FREM1: variants seen among roughly 807,000 people sequenced by gnomAD.
The protein encoded by FREM1 is FRAS1-related extracellular matrix protein 1.
A neutral mutation model predicts 210.1 loss-of-function variants in FREM1; 220 were observed. The observed-to-expected ratio is 1.05, with a 90% CI of 0.94 to 1.17. The LOEUF is 1.17. Ranked by LOEUF, FREM1 falls within the 50% of genes most tolerant of loss-of-function variation. FREM1 has a pLI of 0.00. For missense variants in FREM1, 3,454 were observed against 2,675.5 expected, an observed-to-expected ratio of 1.29 and a Z score of -6.42; for synonymous variants, 1,189 against 980.2, an observed-to-expected ratio of 1.21 and a Z score of -3.98.
chr9:14,790,304 C>T (rs961868927), intron 22 of FREM1, among the ~76,000 whole-genome samples: 8 of 152,250 alleles, frequency 5.3e-5, no homozygotes, highest in South Asian at 2.1e-4. Context: ...TACTTGATAA[C>T]GTTTCTTTCT....
intron 1 of FREM1, among the ~76,000 whole-genome samples, chr9:14,904,267 C>T (rs901967343): frequency 2.6e-5 from 4 of 152,034 alleles, no homozygotes; most frequent in African/African-American, 4.8e-5. Context: ...CCTTATAGCT[C>T]GTTTTTGGTT....
In FREM1 at chr9:14,836,208, G is replaced by C. The variant is rs1415132488; in HGVS notation, c.1881+5239C>G. Among the ~76,000 whole-genome samples, 1 of 152,188 alleles carries C rather than the reference G, an allele frequency of 6.6e-6. No individual in the cohort carries two copies. The highest frequency in any genetic ancestry group is 1.5e-5 in the Non-Finnish European group (1 of 68,032). ...CCACACCACACTTGTGGGAATTGCT[G>C]TCCTCACTCTACTATTTGCAATAGG... On this transcript the variant is annotated intron_variant, in intron 10 of 36. Transcript: ENST00000380880. This position sits in a 1 kb window ranked among gnomAD's most constrained non-coding sequence, Gnocchi z 4.9.
At position 14,900,408 on chromosome 9, in the gene FREM1, G is replaced by A. The variant is rs773143831; in HGVS notation, c.-268+9506C>T. ...ATGACAAGAGGTAAAAGGAGCTTTG[G>A]TGTCCAAAGACTGAAGTTAGGATCT... On this transcript the variant is annotated intron_variant, in intron 1 of 36. Coordinates refer to ENST00000380880, the MANE Select transcript of FREM1 (RefSeq NM_001379081.2). 4.6e-4 allele frequency among the ~76,000 whole-genome samples: 70 copies of A among 152,318 alleles called. 1 individual carries two copies. Among genetic ancestry groups the A allele is most frequent in the Middle Eastern group, 6.8e-3 (2 of 294 alleles).
In FREM1 at chr9:14,748,432, C is replaced by T. The variant is rs1052563688; in HGVS notation, c.5765G>A (p.Arg1922Lys). 1.2e-6 allele frequency: 2 copies of T among 1,613,210 alleles called. No individual in the cohort carries two copies. The highest frequency in any genetic ancestry group is 1.3e-5 in the African/African-American group (1 of 74,896). Residue 1922 changes from arginine (R) to lysine (K), a missense_variant, in exon 31 of 37, where the codon AGG becomes AAG. Physicochemically the swap from Arg to Lys is conservative, Grantham distance 26. Transcript: ENST00000380880. ...RGFDSTDLSQ[R>K]KLRTRGNGKT... ...GCCATTCCCACGGGTCCTAAGCTTCCTTTGAGAAAGATCTGTAGAATCAAA... is the reference window on the plus strand; with the variant it reads ...GCCATTCCCACGGGTCCTAAGCTTCTTTTGAGAAAGATCTGTAGAATCAAA...
chr9:14,837,167 T>C (rs1277591785), intron 10 of FREM1, among the ~76,000 whole-genome samples: 7 of 152,086 alleles, frequency 4.6e-5, no homozygotes, highest in African/African-American at 1.7e-4. Context: ...CACATTTGCA[T>C]ATTAAAAGGC....
chr9:14,887,970 A>G (rs1161579704), intron 1 of FREM1, among the ~76,000 whole-genome samples: 1 of 152,016 alleles, frequency 6.6e-6, no homozygotes, highest in African/African-American at 2.4e-5. Context: ...GCTAATTTTC[A>G]TATTTTTAGT....
intron 10 of FREM1, among the ~76,000 whole-genome samples, chr9:14,830,253 T>G (rs1177051852): frequency 6.6e-6 from 1 of 152,182 alleles, no homozygotes; most frequent in African/African-American, 2.4e-5. Flanking sequence ...TGAGCCTGAA[T>G]ATGAAGACCA....
intron 25 of FREM1, among the ~76,000 whole-genome samples, chr9:14,772,243 A>G (rs1317630560): frequency 2.0e-5 from 3 of 152,168 alleles, no homozygotes; most frequent in Admixed American, 2.0e-4. Flanking sequence ...TGCAAAAATG[A>G]TTAGATATAT....
At chr9:14,906,299 TC>T (rs1817686392) in intron 1 of FREM1, among the ~76,000 whole-genome samples, 1 of 152,218 alleles carries the variant, frequency 6.6e-6, no homozygotes. Flanking sequence ...CATTATTTTT[TC>T]CTACTGCACC....
Position 14,859,426 on chromosome 9 carries a change from G to T in FREM1, c.388C>A (p.Pro130Thr), listed in dbSNP as rs371516815. Residue 130 changes from proline (P) to threonine (T), a missense_variant, in exon 4 of 37, where the codon CCA becomes ACA. Transcript: ENST00000380880. Reference sequence around the variant, plus strand: ...CTCATATGGATGATGTTACAGTCTGGTTCCAGGAGATAGACCCACAGGATA... The same window carrying T: ...CTCATATGGATGATGTTACAGTCTGTTTCCAGGAGATAGACCCACAGGATA... The part of the protein sequence containing the change: ...TFILWVYLLE[P>T]DCNIIHMSNN... 22 of 1,613,722 alleles carry T rather than the reference G, an allele frequency of 1.4e-5. No individual in the cohort carries two copies. In the Middle Eastern group the frequency reaches 6.6e-4, roughly 48 times the overall value.
rs771186618 is a variant in FREM1 at position 14,851,369 on chromosome 9, G to A, written c.1067C>T (p.Ser356Phe). 5 of 1,613,686 alleles carry A rather than the reference G, an allele frequency of 3.1e-6. No individual in the cohort carries two copies. Among genetic ancestry groups the A allele is most frequent in the Non-Finnish European group, 4.2e-6 (5 of 1,179,750 alleles). ...ACTGAGATCTTTCCAGGTGAATGAG[G>A]AGATTGGTCTGGTGTGATCCAACAG... ...THLLDHTRPI[S>F]SFTWKDLSDM... Residue 356 changes from serine to phenylalanine, a missense_variant, in exon 6 of 37, where the codon TCC (serine) becomes TTC (phenylalanine). Transcript: ENST00000380880.
At chr9:14,811,130 G>A (rs1238571906) in intron 16 of FREM1, among the ~76,000 whole-genome samples, 3 of 152,064 alleles carry the variant, frequency 2.0e-5, no homozygotes, top group Non-Finnish European at 2.9e-5. Flanking sequence ...ACAAGAAAAC[G>A]TTAACATTCA....
chr9:14,762,637 T>C (rs1300460028), intron 27 of FREM1, among the ~76,000 whole-genome samples: 1 of 151,826 alleles, frequency 6.6e-6, no homozygotes, highest in Non-Finnish European at 1.5e-5. Context: ...CTACAAATAA[T>C]AAAGAGCTAT....
At chr9:14,798,972 T>C (rs34540662) in intron 20 of FREM1, among the ~76,000 whole-genome samples, 35,297 of 151,254 alleles carry the variant, frequency 0.23, 4,337 homozygotes, top group South Asian at 0.29. Context: ...CCACACCCGG[T>C]CTCCATGTTT....
intron 29 of FREM1, among the ~76,000 whole-genome samples, chr9:14,753,861 T>G (rs1843803550): frequency 1.3e-5 from 2 of 152,212 alleles, no homozygotes; most frequent in African/African-American, 4.8e-5. Flanking sequence ...CAGCCAATTG[T>G]TTTTTTCTTA....
At chr9:14,745,857 G>A (rs752777299) in intron 35 of FREM1, among the ~76,000 whole-genome samples, 5 of 152,152 alleles carry the variant, frequency 3.3e-5, no homozygotes, top group African/African-American at 1.2e-4. Flanking sequence ...GTGAGCCTTT[G>A]TCTTACTTGC....
At chr9:14,801,029 C>T (rs994489266) in intron 20 of FREM1, among the ~76,000 whole-genome samples, 6 of 152,130 alleles carry the variant, frequency 3.9e-5, no homozygotes, top group East Asian at 1.9e-4. Context: ...CTCACTCTGT[C>T]GCCCAGGCTG....
At chr9:14,803,776 A>G (rs1817795975) in intron 19 of FREM1, among the ~76,000 whole-genome samples, 1 of 152,208 alleles carries the variant, frequency 6.6e-6, no homozygotes, top group Admixed American at 6.5e-5. Flanking sequence ...CATATATGAT[A>G]CTTGTGCTAA....
chr9:14,861,988 TC>T (rs1482386197), intron 3 of FREM1, among the ~76,000 whole-genome samples: 1 of 152,194 alleles, frequency 6.6e-6, no homozygotes, highest in Non-Finnish European at 1.5e-5. Flanking sequence ...CCACTACCCT[TC>T]CCACCCGCTC....
Sources: gnomAD v4.1 joint callset for allele counts (sites outside exome capture counted in the v4.1 genomes callset) on GRCh38, gnomAD v4.1.1 for gene constraint, Gnocchi (gnomAD v3.1) non-coding constraint, MANE v1.5 for transcripts, NCBI Gene and HGNC (gene_info 2026-07-23, HGNC 2026-07-21) for gene names.